The following DUS2 variants were observed in gnomAD, a reference collection of about 807,000 sequenced individuals.
DUS2 encodes dihydrouridine synthase 2.
Under a neutral mutation model 71.3 loss-of-function variants are expected in DUS2, and 52 were observed. That is an observed-to-expected ratio of 0.73 (90% CI 0.58 to 0.92). DUS2 has a LOEUF of 0.92. DUS2 is among the 40% of genes least tolerant of loss of function. The probability of loss-of-function intolerance (pLI) is 0.00; values close to 1 mark genes in which losing one functional copy is unlikely to be tolerated. For missense variants in DUS2, 558 were observed against 622.6 expected (o/e 0.90, Z 1.10); for synonymous variants, 204 against 227.8 (o/e 0.90, Z 0.94).
At chr16:68,074,620 C>T (rs1422027695) in intron 13 of DUS2, among the ~76,000 whole-genome samples, 1 of 152,226 alleles carries the variant, frequency 6.6e-6, no homozygotes, top group Non-Finnish European at 1.5e-5. Flanking sequence ...GCCACTGCCC[C>T]CACAGCTCCC....
At position 68,054,559 on chromosome 16, in the gene DUS2, C is replaced by T; in HGVS notation, c.265-15C>T. The T allele has an allele frequency of 6.2e-7, 1 of 1,614,106 alleles. No individual in the cohort carries two copies. The highest frequency in any genetic ancestry group is 8.5e-7 in the Non-Finnish European group (1 of 1,180,010). ...GTGTCAGGGCAGTGGTTGATGCAGC[C>T]TCTTGTGTTCCCAGGGGACTTCAGA... On this transcript the variant is annotated splice_polypyrimidine_tract_variant and intron_variant, in intron 5 of 16. Coordinates refer to ENST00000565263, the MANE Select transcript of DUS2 (RefSeq NM_017803.5).
intron 2 of DUS2, among the ~76,000 whole-genome samples, chr16:68,034,065 G>T (rs1207139459): frequency 6.7e-6 from 1 of 150,368 alleles, no homozygotes; most frequent in Non-Finnish European, 1.5e-5. Context: ...ACCTTGCCTG[G>T]CCTAGTTTTA....
At chr16:68,023,512 G>C (rs1437883650) in intron 1 of DUS2, 161 bp downstream of exon 1, 1 of 395,452 alleles carries the variant, frequency 2.5e-6, no homozygotes, top group Admixed American at 4.4e-5. Context: ...TGGTTACCTG[G>C]TTCCTGGGAT....
At position 68,037,996 on chromosome 16, in the gene DUS2, T is replaced by C; in HGVS notation, c.-18-10T>C. 2.5e-6 allele frequency: 4 copies of C among 1,601,886 alleles called. No individual in the cohort carries two copies. The highest frequency in any genetic ancestry group is 3.4e-6 in the Non-Finnish European group (4 of 1,176,358). ...GAATTTCTGACTCTTGTTTCCTCTT[T>C]TTTTTTCAGGCTGTAACAGAGGAGG... On this transcript the variant is annotated splice_polypyrimidine_tract_variant and intron_variant, in intron 2 of 16. Coordinates refer to ENST00000565263, the MANE Select transcript of DUS2 (RefSeq NM_017803.5).
intron 3 of DUS2, among the ~76,000 whole-genome samples, chr16:68,044,821 C>T (rs1478155689): frequency 6.6e-6 from 1 of 152,006 alleles, no homozygotes; most frequent in Non-Finnish European, 1.5e-5. Flanking sequence ...GAGGCAGAGT[C>T]CCGCTTAGTT....
intron 2 of DUS2, among the ~76,000 whole-genome samples, chr16:68,035,923 TATATATAC>T (rs1238426051): frequency 1.1e-3 from 111 of 100,570 alleles, no homozygotes; most frequent in African/African-American, 4.1e-3. Context: ...TATATATATA[TATATATAC>T]ACACATACAT....
At chr16:68,036,796 A>C (rs537563353) in intron 2 of DUS2, among the ~76,000 whole-genome samples, 1 of 152,066 alleles carries the variant, frequency 6.6e-6, no homozygotes, top group East Asian at 1.9e-4. Context: ...ACAGTAGGCA[A>C]TCTCTTGCCT....
rs2034141821 is a variant in DUS2 at position 68,075,347 on chromosome 16, C to G, written c.933-8C>G. The stretch of plus-strand genomic sequence containing the variant: ...AGTGTTTGCTCTGATCTGCTTCTTC[C>G]TCCCTAGTGAGGCCTTTGGCCTTGG... On this transcript the variant is annotated splice_polypyrimidine_tract_variant and splice_region_variant and intron_variant, in intron 13 of 16. Coordinates refer to ENST00000565263, the MANE Select transcript of DUS2 (RefSeq NM_017803.5). 9 of 1,595,784 alleles carry G rather than the reference C, an allele frequency of 5.6e-6. No homozygotes were observed. The highest frequency in any genetic ancestry group is 7.7e-6 in the Non-Finnish European group (9 of 1,170,448).
intron 12 of DUS2, among the ~76,000 whole-genome samples, chr16:68,072,138 G>A (rs565320622): frequency 2.0e-5 from 3 of 152,350 alleles, no homozygotes; most frequent in Admixed American, 6.5e-5. Context: ...AGGAGTGCCT[G>A]TGGCTGCCAT....
chr16:68,035,798 T>A (rs989419309), intron 2 of DUS2, among the ~76,000 whole-genome samples: 3 of 144,440 alleles, frequency 2.1e-5, no homozygotes, highest in Non-Finnish European at 4.5e-5. Flanking sequence ...CACTGCAACC[T>A]GTGCCTTGCA....
chr16:68,045,051 C>G (rs1230981962), intron 3 of DUS2, among the ~76,000 whole-genome samples: 6 of 152,170 alleles, frequency 3.9e-5, no homozygotes, highest in Admixed American at 3.9e-4. Context: ...GCTCGGCCTC[C>G]CAAAGTGCTG....
At chr16:68,069,124 A>G (rs913915729) in intron 10 of DUS2, among the ~76,000 whole-genome samples, 3 of 151,936 alleles carry the variant, frequency 2.0e-5, no homozygotes, top group Non-Finnish European at 4.4e-5. Context: ...CGCGGTGGCT[A>G]ACGCCTAGAA....
intron 2 of DUS2, among the ~76,000 whole-genome samples, chr16:68,028,784 A>G (rs1043490245): frequency 7.2e-5 from 11 of 152,192 alleles, no homozygotes; most frequent in Admixed American, 2.0e-4. Flanking sequence ...TGACTCCCAT[A>G]GTGGAGCCTC....
intron 4 of DUS2, among the ~76,000 whole-genome samples, chr16:68,053,120 G>A (rs569679036): frequency 6.6e-6 from 1 of 152,038 alleles, no homozygotes; most frequent in Non-Finnish European, 1.5e-5. Context: ...ACCCCACCAC[G>A]CCTGGCTAAT....
At chr16:68,056,926 A>G (rs1200206095) in intron 7 of DUS2, among the ~76,000 whole-genome samples, 1 of 143,178 alleles carries the variant, frequency 7.0e-6, no homozygotes, top group African/African-American at 2.5e-5. Flanking sequence ...TAATATAATA[A>G]TACACATATA....
At chr16:68,055,196 A>T (rs2033834795) in intron 6 of DUS2, among the ~76,000 whole-genome samples, 1 of 151,970 alleles carries the variant, frequency 6.6e-6, no homozygotes, top group African/African-American at 2.4e-5. Context: ...CTTCCCAGGG[A>T]CTCCCATGAC....
Position 68,056,419 on chromosome 16 carries a change from A to G in DUS2, c.364A>G (p.Thr122Ala). The G allele has an allele frequency of 6.2e-7, 1 of 1,612,970 alleles. No homozygotes were observed. The highest frequency in any genetic ancestry group is 1.1e-5 in the South Asian group (1 of 90,986). ...CATGGGCTGTCCAAAACAATATTCCACCAAGGTAAACTGGTTTCTTTATAC... is the reference window on the plus strand; with the variant it reads ...CATGGGCTGTCCAAAACAATATTCCGCCAAGGTAAACTGGTTTCTTTATAC... Reference protein sequence around the residue: ...VNMGCPKQYSTKGGMGAALLS... With the variant: ...VNMGCPKQYSAKGGMGAALLS... Residue 122 changes from threonine to alanine, a missense_variant, in exon 7 of 17, where the codon ACC (threonine) becomes GCC (alanine). Transcript: ENST00000565263.
intron 2 of DUS2, among the ~76,000 whole-genome samples, chr16:68,033,776 C>T (rs1008908522): frequency 2.6e-5 from 4 of 151,614 alleles, no homozygotes; most frequent in Non-Finnish European, 4.4e-5. Context: ...GGATTACAGG[C>T]GCATGCCACC....
chr16:68,036,957 C>G (rs2033539242), intron 2 of DUS2, among the ~76,000 whole-genome samples: 1 of 152,052 alleles, frequency 6.6e-6, no homozygotes, highest in South Asian at 2.1e-4. Flanking sequence ...TTTCAAATTG[C>G]AACCCATCCC....
Sources: gnomAD v4.1 joint callset for allele counts (sites outside exome capture counted in the v4.1 genomes callset) on GRCh38, gnomAD v4.1.1 for gene constraint, MANE v1.5 for transcripts, NCBI Gene and HGNC (gene_info 2026-07-23, HGNC 2026-07-21) for gene names.